The following ZNF804B variants were observed in gnomAD, a reference collection of about 807,000 sequenced individuals.
ZNF804B encodes the protein zinc finger protein 804B.
Under a neutral mutation model 101.4 loss-of-function variants are expected in ZNF804B, and 80 were observed. The ratio of observed to expected loss-of-function variants is 0.79; its 90% CI spans 0.66 to 0.95. ZNF804B has a LOEUF of 0.95. Among genes scored for constraint, ZNF804B ranks in the 40% least tolerant of loss-of-function variants. The probability of loss-of-function intolerance (pLI) is 0.00; values close to 1 mark genes in which losing one functional copy is unlikely to be tolerated. For missense variants in ZNF804B, 1,673 were observed against 1,561.9 expected (o/e 1.07, Z -1.20); for synonymous variants, 622 against 558.8 (o/e 1.11, Z -1.59).
chr7:89,218,244 A>G lies in ZNF804B; in HGVS notation c.198A>G (p.Lys66=). ...AATTATGTGACAAGCAGTATCACAA[A>G]CACCAGGAGTTTGACAATCATATTA... The part of the protein sequence containing the change: ...YCELCDKQYH[K]HQEFDNHINS... The change falls in exon 2 of 4, where the codon AAA becomes AAG. Residue 66 remains lysine, a synonymous_variant. Coordinates refer to ENST00000333190, the MANE Select transcript of ZNF804B (RefSeq NM_181646.5). 1 of 1,613,894 alleles carries G rather than the reference A, an allele frequency of 6.2e-7. No homozygotes were observed.
intron 1 of ZNF804B, among the ~76,000 whole-genome samples, chr7:89,019,815 G>A (rs60002512): frequency 0.055 from 8,367 of 151,920 alleles, 542 homozygotes; most frequent in African/African-American, 0.16. Flanking sequence ...TGTGAAATAT[G>A]TTTTTCCATA....
Position 89,078,866 on chromosome 7 carries a change from G to A in ZNF804B, c.109-139289G>A, listed in dbSNP as rs969073329. ...AAAATATTTCAAACTTTCAAACCAT[G>A]ATATTATAAGATATATAAAGGCCTA... is the stretch of plus-strand genomic sequence containing the variant. On this transcript the variant is annotated intron_variant, in intron 1 of 3. Coordinates refer to ENST00000333190, the MANE Select transcript of ZNF804B (RefSeq NM_181646.5). 5.3e-5 allele frequency among the ~76,000 whole-genome samples: 8 copies of A among 151,832 alleles called. No individual in the cohort carries two copies. In the East Asian group the frequency reaches 1.5e-3, roughly 29 times the overall value.
intron 1 of ZNF804B, among the ~76,000 whole-genome samples, chr7:88,905,697 G>A (rs111998079): frequency 3.9e-5 from 6 of 152,068 alleles, no homozygotes; most frequent in African/African-American, 1.4e-4. Flanking sequence ...TTGCATCTAT[G>A]TTCATCAGGG....
intron 1 of ZNF804B, among the ~76,000 whole-genome samples, chr7:89,210,580 A>C (rs1788787989): frequency 6.6e-6 from 1 of 152,124 alleles, no homozygotes; most frequent in African/African-American, 2.4e-5. Context: ...CCCACTTATA[A>C]GTAAGAACAT....
chr7:89,254,648 ATTAT>A (rs1167525464), intron 2 of ZNF804B, among the ~76,000 whole-genome samples: 12 of 132,312 alleles, frequency 9.1e-5, no homozygotes, highest in Admixed American at 1.5e-4. Context: ...TTTTATTTTT[ATTAT>A]TTTTTTTTTT....
chr7:89,241,052 A>G (rs1306355106), intron 2 of ZNF804B, among the ~76,000 whole-genome samples: 1 of 151,972 alleles, frequency 6.6e-6, no homozygotes, highest in African/African-American at 2.4e-5. Context: ...CCCAACTGTC[A>G]GTACCTACAT....
At chr7:89,197,912 A>G (rs1788579476) in intron 1 of ZNF804B, among the ~76,000 whole-genome samples, 1 of 151,836 alleles carries the variant, frequency 6.6e-6, no homozygotes, top group African/African-American at 2.4e-5. Context: ...AGCAAATTGG[A>G]TGCTTAGACA....
chr7:89,186,481 A>G (rs1788376784), intron 1 of ZNF804B, among the ~76,000 whole-genome samples: 2 of 152,160 alleles, frequency 1.3e-5, no homozygotes, highest in African/African-American at 4.8e-5. Context: ...AGCAGAAAAA[A>G]AGGTGAAAAC....
intron 1 of ZNF804B, among the ~76,000 whole-genome samples, chr7:89,091,726 C>T (rs148064169): frequency 2.5e-3 from 375 of 152,280 alleles, no homozygotes; most frequent in African/African-American, 8.1e-3. Context: ...TAACCACCTA[C>T]AAGGATTCAG....
chr7:89,268,368 C>A (rs1789830987), intron 2 of ZNF804B, among the ~76,000 whole-genome samples: 1 of 152,026 alleles, frequency 6.6e-6, no homozygotes, highest in East Asian at 1.9e-4. Context: ...ATTGGCTTTC[C>A]TCTTTCTCAT....
chr7:89,036,407 A>G (rs1358780521), intron 1 of ZNF804B, among the ~76,000 whole-genome samples: 1 of 151,972 alleles, frequency 6.6e-6, no homozygotes, highest in African/African-American at 2.4e-5. Flanking sequence ...TATTAATATT[A>G]GTATTATGGT....
intron 1 of ZNF804B, among the ~76,000 whole-genome samples, chr7:89,096,047 C>T (rs1333779243): frequency 1.3e-5 from 2 of 151,038 alleles, no homozygotes; most frequent in South Asian, 2.1e-4. Flanking sequence ...CCCAGCTACT[C>T]GGGAGGCTGA....
At chr7:89,029,642 C>A (rs540389288) in intron 1 of ZNF804B, among the ~76,000 whole-genome samples, 118 of 152,256 alleles carry the variant, frequency 7.8e-4, no homozygotes, top group African/African-American at 2.8e-3. Flanking sequence ...TTGGTTATTA[C>A]TCTCATCACC....
intron 1 of ZNF804B, among the ~76,000 whole-genome samples, chr7:89,072,777 CTA>C (rs1789561034): frequency 6.6e-6 from 1 of 152,048 alleles, no homozygotes; most frequent in Non-Finnish European, 1.5e-5. Flanking sequence ...TATTTCAACT[CTA>C]TTTAGGGAAT....
intron 2 of ZNF804B, among the ~76,000 whole-genome samples, chr7:89,250,412 A>G (rs528079445): frequency 8.3e-4 from 127 of 152,258 alleles, no homozygotes; most frequent in Non-Finnish European, 1.5e-3. Flanking sequence ...TAACAAACCA[A>G]TATCATGTTC....
At chr7:89,297,603 G>GAAA (rs1417012144) in intron 2 of ZNF804B, among the ~76,000 whole-genome samples, 7 of 151,966 alleles carry the variant, frequency 4.6e-5, no homozygotes, top group African/African-American at 1.7e-4. Flanking sequence ...CACTTTATTT[G>GAAA]GGGGTAGGGT....
chr7:88,817,142 A>G (rs1418442171), intron 1 of ZNF804B, among the ~76,000 whole-genome samples: 1 of 152,210 alleles, frequency 6.6e-6, no homozygotes, highest in Non-Finnish European at 1.5e-5. Context: ...ACAGAAAACC[A>G]AGTACCGCAT....
intron 1 of ZNF804B, among the ~76,000 whole-genome samples, chr7:89,185,199 AAG>A (rs1788357448): frequency 6.6e-6 from 1 of 152,224 alleles, no homozygotes; most frequent in Non-Finnish European, 1.5e-5. Context: ...CAGAAAGTGA[AAG>A]AGAGTTTGGG....
At chr7:89,125,520 A>C (rs1790465048) in intron 1 of ZNF804B, among the ~76,000 whole-genome samples, 1 of 152,030 alleles carries the variant, frequency 6.6e-6, no homozygotes, top group South Asian at 2.1e-4. Flanking sequence ...ATTGATTACT[A>C]TTGTCCATTC....
Sources: gnomAD v4.1 joint callset for allele counts (sites outside exome capture counted in the v4.1 genomes callset) on GRCh38, gnomAD v4.1.1 for gene constraint, MANE v1.5 for transcripts, NCBI Gene and HGNC (gene_info 2026-07-23, HGNC 2026-07-21) for gene names.